XRCC2: variants seen among roughly 807,000 people sequenced by gnomAD.
The protein encoded by XRCC2 is DNA repair protein XRCC2.
Under a neutral mutation model 27.3 loss-of-function variants are expected in XRCC2, and 24 were observed. The ratio of observed to expected loss-of-function variants is 0.88; its 90% CI spans 0.64 to 1.24. XRCC2 has a LOEUF of 1.24. XRCC2 is among the 50% of genes most tolerant of loss of function. The pLI is 0.00. For missense variants in XRCC2, 321 were observed against 325.8 expected (o/e 0.99, Z 0.11); for synonymous variants, 106 against 115.4 (o/e 0.92, Z 0.52).
chr7:152,652,032 G>A (rs969229011), intron 2 of XRCC2, among the ~76,000 whole-genome samples: 3 of 151,716 alleles, frequency 2.0e-5, no homozygotes, highest in Non-Finnish European at 2.9e-5. Flanking sequence ...ATAGCCGGGC[G>A]TGGTAGCATG....
Position 152,644,970 on chromosome 7 carries a change from CTGA to C in XRCC2, c.*3669_*3671del, listed in dbSNP as rs1435416414. Reference sequence around the variant, plus strand: ...GATGATTCTGATGATTCAGATGATTCTGATGTTAGTTCTGTTTAGAAATAACTC... The same window carrying C: ...GATGATTCTGATGATTCAGATGATTCTGTTAGTTCTGTTTAGAAATAACTC... On this transcript the variant is annotated 3_prime_UTR_variant, in exon 3 of 3. Transcript: ENST00000359321. The C allele has an allele frequency of 6.6e-6, 1 of 152,108 alleles. No individual in the cohort carries two copies. Among genetic ancestry groups the C allele is most frequent in the Non-Finnish European group, 1.5e-5 (1 of 68,022 alleles). The allele number at this position is 152,108 out of a possible 1,614,324, so 9.4% of individuals were successfully genotyped here.
At chr7:152,656,247 G>A (rs1307134353) in intron 2 of XRCC2, among the ~76,000 whole-genome samples, 2 of 152,056 alleles carry the variant, frequency 1.3e-5, no homozygotes, top group East Asian at 3.9e-4. Context: ...TGTTCGGATG[G>A]GTGCAGTGGC....
intron 1 of XRCC2, among the ~76,000 whole-genome samples, chr7:152,663,629 G>A (rs945844806): frequency 8.5e-5 from 13 of 152,150 alleles, no homozygotes; most frequent in Admixed American, 5.9e-4. Flanking sequence ...GCTTGAGCCC[G>A]GGAGTTTAAG....
At chr7:152,675,575 G>A (rs962984220) in intron 1 of XRCC2, among the ~76,000 whole-genome samples, 14 of 152,054 alleles carry the variant, frequency 9.2e-5, no homozygotes, top group African/African-American at 3.1e-4. Flanking sequence ...AGAGACACGT[G>A]GGCTACAGGG....
Position 152,648,502 on chromosome 7 carries a change from C to T in XRCC2, c.*140G>A. 1.1e-6 allele frequency: 1 copy of T among 923,074 alleles called. No individual in the cohort carries two copies. The highest frequency in any genetic ancestry group is 1.6e-6 in the Non-Finnish European group (1 of 637,752). The allele number at this position is 923,074 out of a possible 1,614,324, so 57.2% of individuals were successfully genotyped here. On this transcript the variant is annotated 3_prime_UTR_variant, in exon 3 of 3. Coordinates refer to ENST00000359321, the MANE Select transcript of XRCC2 (RefSeq NM_005431.2). ...CTAGGAGGCACACATAGGAGGATCC[C>T]TTGAGGCCAGGAGTTCAAGGCTGCA...
At chr7:152,665,715 C>G (rs2098035335) in intron 1 of XRCC2, among the ~76,000 whole-genome samples, 1 of 151,872 alleles carries the variant, frequency 6.6e-6, no homozygotes, top group East Asian at 1.9e-4. Flanking sequence ...CTCCTGGGCT[C>G]AAGTGATCCA....
chr7:152,650,905 C>CAAAA (rs1227879409), intron 2 of XRCC2, among the ~76,000 whole-genome samples: 3 of 152,030 alleles, frequency 2.0e-5, no homozygotes, highest in African/African-American at 7.2e-5. Context: ...AAAACAAAAA[C>CAAAA]ACAAAAAAAT....
At chr7:152,666,970 T>C (rs1200373292) in intron 1 of XRCC2, among the ~76,000 whole-genome samples, 4 of 152,068 alleles carry the variant, frequency 2.6e-5, no homozygotes, top group Admixed American at 6.6e-5. Context: ...AACTATAAAA[T>C]ATCTTCAAAG....
chr7:152,669,175 A>G (rs1189736001), intron 1 of XRCC2, among the ~76,000 whole-genome samples: 1 of 152,178 alleles, frequency 6.6e-6, no homozygotes, highest in African/African-American at 2.4e-5. Flanking sequence ...CAAGAGTTCA[A>G]GACTAGCCTG....
rs139219364 is a variant in XRCC2 at position 152,648,923 on chromosome 7, G to A, written c.562C>T (p.Arg188Cys). Residue 188 changes from arginine to cysteine, a missense_variant, in exon 3 of 3, where the codon CGC (arginine) becomes TGC (cysteine). Arg to Cys is a radical substitution (Grantham distance 180). Transcript: ENST00000359321. Reference protein sequence around the residue: ...QCLEKLVNDYRLVLFATTQTI... With the variant: ...QCLEKLVNDYCLVLFATTQTI... The stretch of plus-strand genomic sequence containing the variant: ...TGTGTCGTTGCAAAAAGAACCAGGC[G>A]ATAGTCATTTACAAGCTTCTCTAAG... 1.1e-5 allele frequency: 18 copies of A among 1,614,058 alleles called. No homozygotes were observed. Among genetic ancestry groups the A allele is most frequent in the Non-Finnish European group, 1.4e-5 (16 of 1,180,048 alleles).
intron 2 of XRCC2, among the ~76,000 whole-genome samples, chr7:152,659,472 T>A (rs1473933760): frequency 6.6e-6 from 1 of 152,128 alleles, no homozygotes; most frequent in African/African-American, 2.4e-5. Context: ...CGCTCGGCTA[T>A]AACCTGATTT....
intron 1 of XRCC2, among the ~76,000 whole-genome samples, chr7:152,669,404 T>C (rs146188479): frequency 6.6e-6 from 1 of 152,178 alleles, no homozygotes; most frequent in East Asian, 1.9e-4. Context: ...TGCTCAATTA[T>C]ACAGACATTT....
chr7:152,658,316 A>G (rs1485098272), intron 2 of XRCC2, among the ~76,000 whole-genome samples: 3 of 151,756 alleles, frequency 2.0e-5, no homozygotes, highest in Non-Finnish European at 4.4e-5. Context: ...ACGCCTGGCT[A>G]ATTTTTTCTA....
At chr7:152,669,675 TTAGAGGCATGAGCCA>T (rs1363304206) in intron 1 of XRCC2, among the ~76,000 whole-genome samples, 1 of 151,716 alleles carries the variant, frequency 6.6e-6, no homozygotes, top group Non-Finnish European at 1.5e-5. Context: ...AGTGCTGGGA[TTAGAGGCATGAGCCA>T]CCATGCCTGG....
At chr7:152,674,706 TATATA>T (rs1314707934) in intron 1 of XRCC2, among the ~76,000 whole-genome samples, 1 of 38 alleles carries the variant, frequency 0.026, no homozygotes, top group East Asian at 0.5. Context: ...AATATATATT[TATATA>T]ATATATTTTT....
intron 2 of XRCC2, among the ~76,000 whole-genome samples, chr7:152,651,849 C>T (rs2098028659): frequency 6.6e-6 from 1 of 151,784 alleles, no homozygotes; most frequent in Non-Finnish European, 1.5e-5. Flanking sequence ...TATCAGTTCT[C>T]ATAGACTTCT....
At chr7:152,662,968 TTC>T (rs940142919) in intron 1 of XRCC2, among the ~76,000 whole-genome samples, 4 of 152,092 alleles carry the variant, frequency 2.6e-5, no homozygotes, top group East Asian at 1.9e-4. Context: ...TTCGTTGAAT[TTC>T]TGTTGCGTAT....
intron 1 of XRCC2, among the ~76,000 whole-genome samples, chr7:152,661,397 A>C (rs909925609): frequency 9.8e-5 from 15 of 152,298 alleles, no homozygotes; most frequent in African/African-American, 3.6e-4. Context: ...CTTGTTACAC[A>C]GTTATCTGCC....
At chr7:152,670,859 G>C (rs911166578) in intron 1 of XRCC2, among the ~76,000 whole-genome samples, 4 of 152,154 alleles carry the variant, frequency 2.6e-5, no homozygotes, top group African/African-American at 9.6e-5. Flanking sequence ...CCAAAGTGCT[G>C]GGATTACAGG....
Sources: allele counts gnomAD v4.1 joint callset (sites outside exome capture counted in the v4.1 genomes callset), GRCh38; gene constraint gnomAD v4.1.1; transcripts MANE v1.5; gene names NCBI Gene and HGNC (gene_info 2026-07-23, HGNC 2026-07-21).